Variants in ZPBP observed in about 807,000 individuals in gnomAD.
ZPBP encodes zona pellucida binding protein.
ZPBP carries 26 observed loss-of-function variants against 44.8 expected under a neutral mutation model. The observed-to-expected ratio is 0.58, with a 90% CI of 0.43 to 0.81. The LOEUF (loss-of-function observed/expected upper bound fraction) is 0.81, where lower values mean the gene tolerates loss of function less well. Among genes scored for constraint, ZPBP ranks in the 30% least tolerant of loss-of-function variants. The pLI is 0.00. For missense variants in ZPBP, 409 were observed against 434.0 expected, an observed-to-expected ratio of 0.94 and a Z score of 0.51; for synonymous variants, 174 against 153.2, an observed-to-expected ratio of 1.14 and a Z score of -1.00.
rs71018432 is a variant in ZPBP at position 49,875,369 on chromosome 7, CAAAAAAAAAAAAAAA to C, written n.510-24870_510-24856del. The stretch of plus-strand genomic sequence containing the variant: ...TGGGTAACAGAGTGAGATTCTGACT[CAAAAAAAAAAAAAAA>C]AAAAAAAAAAAAACAGGAATAAATG... On this transcript the variant is annotated intron_variant and non_coding_transcript_variant, in intron 2 of 2. Transcript: ENST00000465922. Among the ~76,000 whole-genome samples the C allele has an allele frequency of 5.3e-4, 10 of 19,016 alleles. 1 individual carries two copies. The highest frequency in any genetic ancestry group is 1.8e-3 in the African/African-American group (8 of 4,456). 12.5% of individuals were successfully genotyped at this position (19,016 alleles called of 152,430 possible).
At chr7:50,076,546 A>T (rs1802089810) in intron 3 of ZPBP, among the ~76,000 whole-genome samples, 1 of 151,554 alleles carries the variant, frequency 6.6e-6, no homozygotes, top group Non-Finnish European at 1.5e-5. Flanking sequence ...TATTATAACC[A>T]ATAAGCAAGT....
chr7:50,082,137 T>C (rs1802395494), intron 2 of ZPBP, among the ~76,000 whole-genome samples: 1 of 151,892 alleles, frequency 6.6e-6, no homozygotes, highest in East Asian at 1.9e-4. Context: ...ATCCCCAACC[T>C]TAGCATAATG....
intron 6 of ZPBP, among the ~76,000 whole-genome samples, chr7:50,008,678 C>A (rs535302584): frequency 1.3e-5 from 2 of 152,034 alleles, no homozygotes; most frequent in East Asian, 3.9e-4. Context: ...ACAAACAGAC[C>A]AATGGAACAG....
chr7:50,075,002 A>G (rs1802012220), intron 3 of ZPBP, among the ~76,000 whole-genome samples: 1 of 151,974 alleles, frequency 6.6e-6, no homozygotes, highest in East Asian at 1.9e-4. Flanking sequence ...ATTCTCAAGG[A>G]TAGACCATAT....
intron 2 of ZPBP, among the ~76,000 whole-genome samples, chr7:49,862,243 AATT>A (rs1322074396): frequency 6.6e-6 from 1 of 152,218 alleles, no homozygotes; most frequent in African/African-American, 2.4e-5. Flanking sequence ...ATTGAAATAG[AATT>A]GCTCTCTTAA....
chr7:49,935,695 C>G (rs1304319708), downstream of ZPBP: 1 of 152,284 alleles, frequency 6.6e-6, no homozygotes, highest in East Asian at 1.9e-4. Context: ...CCGCGCTCGG[C>G]CCTTTGCATC....
chr7:49,851,257 T>A (rs531651056), intron 2 of ZPBP, among the ~76,000 whole-genome samples: 9 of 152,218 alleles, frequency 5.9e-5, no homozygotes, highest in Non-Finnish European at 1.2e-4. Flanking sequence ...TAGGGCCACT[T>A]GGGTAATCCA....
intron 7 of ZPBP, among the ~76,000 whole-genome samples, chr7:49,980,482 C>T (rs915752665): frequency 1.3e-5 from 2 of 150,972 alleles, no homozygotes; most frequent in East Asian, 1.9e-4. Flanking sequence ...AAAGGAAAAA[C>T]GTTTATTTGT....
At chr7:49,999,296 A>T (rs1797994997) in intron 6 of ZPBP, among the ~76,000 whole-genome samples, 1 of 150,840 alleles carries the variant, frequency 6.6e-6, no homozygotes, top group African/African-American at 2.4e-5. Flanking sequence ...TATATATCAT[A>T]TGTATATAAT....
At chr7:50,038,009 C>T (rs1008340620) in intron 4 of ZPBP, among the ~76,000 whole-genome samples, 1 of 152,118 alleles carries the variant, frequency 6.6e-6, no homozygotes, top group Non-Finnish European at 1.5e-5. Context: ...GAGACAGAGG[C>T]TCTAAATCAG....
intron 6 of ZPBP, among the ~76,000 whole-genome samples, chr7:50,005,033 ATT>A (rs76575796): frequency 7.4e-6 from 1 of 134,246 alleles, no homozygotes; most frequent in African/African-American, 2.6e-5. Flanking sequence ...CAACTGAATC[ATT>A]TTAAAAAAAA....
At chr7:49,860,986 C>T (rs1322010877) in intron 2 of ZPBP, among the ~76,000 whole-genome samples, 1 of 152,170 alleles carries the variant, frequency 6.6e-6, no homozygotes, top group Admixed American at 6.5e-5. Context: ...TTTAAGCAAA[C>T]CAGTCTGTGG....
At chr7:50,009,096 G>C (rs1798447569) in intron 6 of ZPBP, among the ~76,000 whole-genome samples, 2 of 151,888 alleles carry the variant, frequency 1.3e-5, no homozygotes, top group Admixed American at 6.6e-5. Flanking sequence ...GATCAGCCAG[G>C]TGCGGTGGCA....
downstream of ZPBP, among the ~76,000 whole-genome samples, chr7:49,848,088 C>G (rs1316069888): frequency 1.3e-5 from 2 of 152,214 alleles, no homozygotes; most frequent in Admixed American, 1.3e-4. Context: ...CTAATTAGAT[C>G]TGTCTCTGGG....
chr7:49,948,900 A>G (rs1400618930), intron 7 of ZPBP, among the ~76,000 whole-genome samples: 1 of 152,206 alleles, frequency 6.6e-6, no homozygotes, highest in African/African-American at 2.4e-5. Flanking sequence ...AAGTGTCTCA[A>G]AGAGACATTT....
At chr7:49,841,624 A>G in the ZPBP span, among the ~76,000 whole-genome samples, 2 of 152,232 alleles carry the variant, frequency 1.3e-5, no homozygotes, top group Non-Finnish European at 2.9e-5. Flanking sequence ...ACCTTCCGGG[A>G]GGACAGAGGT....
intron 2 of ZPBP, among the ~76,000 whole-genome samples, chr7:49,865,852 C>T (rs1790862882): frequency 6.6e-6 from 1 of 152,146 alleles, no homozygotes; most frequent in Non-Finnish European, 1.5e-5. Flanking sequence ...TCTCAAAGTC[C>T]GGATGTCTCT....
At chr7:49,903,606 AGT>A (rs905269480) in intron 1 of ZPBP, among the ~76,000 whole-genome samples, 1 of 152,222 alleles carries the variant, frequency 6.6e-6, no homozygotes, top group Non-Finnish European at 1.5e-5. Context: ...GAGAAGGTGC[AGT>A]GTGACTATAT....
intron 4 of ZPBP, among the ~76,000 whole-genome samples, chr7:50,047,524 C>A (rs752688150): frequency 6.6e-6 from 1 of 151,914 alleles, no homozygotes; most frequent in East Asian, 1.9e-4. Context: ...GCAGGGAAGT[C>A]GCAGCAGGAA....
Sources: gnomAD v4.1 joint callset for allele counts (sites outside exome capture counted in the v4.1 genomes callset) on GRCh38, gnomAD v4.1.1 for gene constraint, MANE v1.5 for transcripts, NCBI Gene and HGNC (gene_info 2026-07-23, HGNC 2026-07-21) for gene names.